Variants in SOX5 observed in about 807,000 individuals in gnomAD.
The protein encoded by SOX5 is SRY-box transcription factor 5, also known as transcription factor SOX-5.
SOX5 carries 9 observed loss-of-function variants against 92.0 expected under a neutral mutation model. The observed-to-expected ratio is 0.10, with a 90% CI of 0.06 to 0.17. The LOEUF (loss-of-function observed/expected upper bound fraction) is 0.17. SOX5 is among the 10% of genes least tolerant of loss of function. SOX5 has a pLI of 1.00. For synonymous variants in SOX5, 344 were observed against 336.3 expected (o/e 1.02, Z -0.25); for missense variants, 642 against 944.5 (o/e 0.68, Z 4.20).
At chr12:23,928,273 C>G (rs1940519591) in intron 1 of SOX5, among the ~76,000 whole-genome samples, 1 of 152,018 alleles carries the variant, frequency 6.6e-6, no homozygotes, top group South Asian at 2.1e-4. Flanking sequence ...ATTCAACATC[C>G]ATTAGCAGAG....
intron 2 of SOX5, among the ~76,000 whole-genome samples, chr12:23,876,038 T>C (rs998519514): frequency 3.9e-5 from 6 of 152,204 alleles, no homozygotes; most frequent in Non-Finnish European, 5.9e-5. Flanking sequence ...TTCCAGCAAG[T>C]TGTAGTTTGT....
rs370034363 is a variant in SOX5, at chr12:23,582,604, T to C, written c.1165-6766A>G. Reference sequence around the variant, plus strand: ...TAGACTTACAAATTGCAAAATGCCTTGTTAATCAGGCAGAAAGAGCTCCAG... The same window carrying C: ...TAGACTTACAAATTGCAAAATGCCTCGTTAATCAGGCAGAAAGAGCTCCAG... On this transcript the variant is annotated intron_variant, in intron 9 of 14. Transcript: ENST00000451604. Among the ~76,000 whole-genome samples the C allele has an allele frequency of 9.3e-4, 141 of 152,262 alleles. No homozygotes were observed. The Middle Eastern group carries it at 0.01, about 11-fold the overall frequency.
chr12:23,664,241 G>C (rs1593077885), intron 7 of SOX5, among the ~76,000 whole-genome samples: 1 of 151,990 alleles, frequency 6.6e-6, no homozygotes, highest in South Asian at 2.1e-4. Flanking sequence ...GAACTGATGT[G>C]TAGTAATGTT....
chr12:23,849,141 A>G (rs1282817619), intron 2 of SOX5, among the ~76,000 whole-genome samples: 2 of 152,218 alleles, frequency 1.3e-5, no homozygotes, highest in Non-Finnish European at 2.9e-5. Context: ...TTATAAAAGA[A>G]GAGATTATAT....
At chr12:24,037,433 T>C (rs1041907609) in intron 4 of SOX5, among the ~76,000 whole-genome samples, 4 of 152,132 alleles carry the variant, frequency 2.6e-5, no homozygotes, top group African/African-American at 9.7e-5. Context: ...AACCAAGGTA[T>C]AGACTTGCTG....
intron 9 of SOX5, among the ~76,000 whole-genome samples, chr12:23,581,892 A>AT (rs1950088992): frequency 2.0e-5 from 3 of 151,598 alleles, no homozygotes; most frequent in South Asian, 2.1e-4. Flanking sequence ...ATGATTGAAA[A>AT]AATATATATA....
chr12:23,908,234 C>T (rs1056840226), intron 1 of SOX5, among the ~76,000 whole-genome samples: 4 of 151,890 alleles, frequency 2.6e-5, no homozygotes, highest in African/African-American at 7.3e-5. Flanking sequence ...CAAGTTAAGC[C>T]GTCTAAAGAA....
intron 3 of SOX5, among the ~76,000 whole-genome samples, chr12:23,831,244 A>C (rs929863846): frequency 6.6e-6 from 1 of 152,176 alleles, no homozygotes; most frequent in Non-Finnish European, 1.5e-5. Flanking sequence ...CAAATATCAA[A>C]ACGATAAATG....
chr12:23,763,508 A>G (rs2094620564), intron 3 of SOX5, among the ~76,000 whole-genome samples: 1 of 152,168 alleles, frequency 6.6e-6, no homozygotes. Context: ...TACCATTCCT[A>G]TGACTTCTTC....
intron 2 of SOX5, among the ~76,000 whole-genome samples, chr12:24,280,986 AGG>A (rs1306298870): frequency 1.9e-5 from 2 of 107,140 alleles, no homozygotes; most frequent in Non-Finnish European, 3.8e-5. Context: ...TGTCAGGGGA[AGG>A]GAGAGAGAGA....
At chr12:24,509,280 C>T (rs1949089253) in intron 1 of SOX5, among the ~76,000 whole-genome samples, 1 of 152,158 alleles carries the variant, frequency 6.6e-6, no homozygotes, top group South Asian at 2.1e-4. Context: ...GAGCCAAGTG[C>T]CCACTTTGAG....
intron 3 of SOX5, among the ~76,000 whole-genome samples, chr12:23,822,223 G>A (rs369586705): frequency 6.6e-6 from 1 of 152,090 alleles, no homozygotes. Context: ...TTAGGTTGTT[G>A]ACTTTAGATC....
chr12:23,738,506 T>C (rs1432104787), intron 5 of SOX5: 2 of 152,142 alleles, frequency 1.3e-5, no homozygotes, highest in Non-Finnish European at 1.5e-5. Flanking sequence ...ATCTCTCCAA[T>C]ACAGGAGAGA....
intron 1 of SOX5, among the ~76,000 whole-genome samples, chr12:24,505,874 C>CGCGTGTGTGTGTGTGTGT (rs368183832): frequency 4.7e-5 from 7 of 148,018 alleles, no homozygotes; most frequent in East Asian, 2.0e-4. Flanking sequence ...TGTGTGTGTG[C>CGCGTGTGTGTGTGTGTGT]GCATCACTGC....
chr12:24,367,616 G>A (rs1956304213), intron 2 of SOX5, among the ~76,000 whole-genome samples: 1 of 152,022 alleles, frequency 6.6e-6, no homozygotes, highest in South Asian at 2.1e-4. Flanking sequence ...TGATGGATAT[G>A]GTTTATGTAA....
chr12:23,947,712 A>AG (rs1352644626), intron 1 of SOX5, among the ~76,000 whole-genome samples: 2 of 151,884 alleles, frequency 1.3e-5, no homozygotes, highest in African/African-American at 4.8e-5. Flanking sequence ...AAAAAAAAAA[A>AG]TGAAATTCCC....
chr12:24,247,521 GT>G (rs896207788), intron 3 of SOX5, among the ~76,000 whole-genome samples: 8 of 152,240 alleles, frequency 5.3e-5, no homozygotes, highest in Non-Finnish European at 1.0e-4. Flanking sequence ...GGCCCAAGTG[GT>G]AAAGAACAGA....
At chr12:23,827,445 A>G (rs1052408488) in intron 3 of SOX5, among the ~76,000 whole-genome samples, 1 of 152,248 alleles carries the variant, frequency 6.6e-6, no homozygotes, top group African/African-American at 2.4e-5. Context: ...AGAACTGTCA[A>G]ACAACTTCTA....
In SOX5 at chr12:23,531,184, A is replaced by G. The variant is rs1939007574; in HGVS notation, c.*3035T>C. 6.6e-6 allele frequency: 1 copy of G among 152,196 alleles called. No individual in the cohort carries two copies. Among genetic ancestry groups the G allele is most frequent in the South Asian group, 2.1e-4 (1 of 4,824 alleles). 9.4% of individuals were successfully genotyped at this position (152,196 alleles called of 1,614,324 possible). A position where few individuals can be genotyped will look rare whatever the true frequency, so the allele number is the denominator to read the frequency against. On this transcript the variant is annotated 3_prime_UTR_variant, in exon 15 of 15. Coordinates refer to ENST00000451604, the MANE Select transcript of SOX5 (RefSeq NM_006940.6). ...GGCAAAGAAAATTTGATGTCCAGTG[A>G]ATTAACCGTCAGAACAAGAGAACAG... is the stretch of plus-strand genomic sequence containing the variant.
Sources: allele counts gnomAD v4.1 joint callset (sites outside exome capture counted in the v4.1 genomes callset), GRCh38; gene constraint gnomAD v4.1.1; transcripts MANE v1.5; gene names NCBI Gene and HGNC (gene_info 2026-07-23, HGNC 2026-07-21).